The following SEC23B variants were observed in gnomAD, a reference collection of about 807,000 sequenced individuals.
SEC23B encodes the protein SEC23 homolog B, COPII component.
SEC23B carries 77 observed loss-of-function variants against 104.3 expected under a neutral mutation model. That is an observed-to-expected ratio of 0.74 (90% CI 0.61 to 0.89). The LOEUF (loss-of-function observed/expected upper bound fraction) is 0.89. Ranked by LOEUF, SEC23B falls within the 40% of genes least tolerant of loss-of-function variation. SEC23B has a pLI of 0.00. For missense variants in SEC23B, 885 were observed against 949.4 expected (o/e 0.93, Z 0.89); for synonymous variants, 338 against 332.5 (o/e 1.02, Z -0.18).
chr20:18,543,061 A>G lies in SEC23B; in HGVS notation c.1554A>G (p.Ala518=), dbSNP rs764931725. ...GTCAGCTCAGGCACATAGAAGCAGC[A>G]TTTGACCAGGAGGCTGCGGCAGTGT... ...VQSQLRHIEA[A]FDQEAAAVLM... Residue 518 remains alanine (A), a synonymous_variant, in exon 14 of 20, where the codon GCA becomes GCG. Coordinates refer to ENST00000650089, the MANE Select transcript of SEC23B (RefSeq NM_006363.6). The G allele has an allele frequency of 6.2e-7, 1 of 1,614,176 alleles. No individual in the cohort carries two copies. The highest frequency in any genetic ancestry group is 1.1e-5 in the South Asian group (1 of 91,080).
intron 10 of SEC23B, among the ~76,000 whole-genome samples, chr20:18,531,989 T>G (rs1373328515): frequency 6.6e-6 from 1 of 152,166 alleles, no homozygotes; most frequent in African/African-American, 2.4e-5. Flanking sequence ...GCCCAGGAGT[T>G]TGAGGCTGCA....
chr20:18,549,427 CTG>C (rs2060365179), intron 16 of SEC23B, among the ~76,000 whole-genome samples: 1 of 151,998 alleles, frequency 6.6e-6, no homozygotes, highest in Non-Finnish European at 1.5e-5. Flanking sequence ...GAAAACAAGT[CTG>C]TACATGTACA....
intron 4 of SEC23B, among the ~76,000 whole-genome samples, chr20:18,519,602 A>T (rs533536185): frequency 1.3e-5 from 2 of 152,272 alleles, no homozygotes; most frequent in East Asian, 3.9e-4. Context: ...GCTGTGTGTA[A>T]TGAAAAGGGT....
rs537430247 is a variant in SEC23B, at chr20:18,535,159, C to CGT, written c.1315-493_1315-492dup. 2.6e-3 allele frequency among the ~76,000 whole-genome samples: 395 copies of CGT among 152,040 alleles called. 1 individual carries two copies. The highest frequency in any genetic ancestry group is 6.8e-3 in the Middle Eastern group (2 of 294). Reference sequence around the variant, plus strand: ...TTGATTGATTCTTTGTGGATTTCAGCGTTATATACCATGTAGAGACACCCC... The same window carrying CGT: ...TTGATTGATTCTTTGTGGATTTCAGCGTGTTATATACCATGTAGAGACACCCC... On this transcript the variant is annotated intron_variant, in intron 11 of 19. Coordinates refer to ENST00000650089, the MANE Select transcript of SEC23B (RefSeq NM_006363.6).
intron 10 of SEC23B, among the ~76,000 whole-genome samples, chr20:18,532,294 C>T (rs1235457256): frequency 2.0e-5 from 3 of 152,124 alleles, no homozygotes; most frequent in African/African-American, 7.2e-5. Flanking sequence ...ACAGTATGTT[C>T]TCTGATTAGG....
chr20:18,514,149 AAAT>A (rs2060004651), intron 3 of SEC23B, among the ~76,000 whole-genome samples: 1 of 152,174 alleles, frequency 6.6e-6, no homozygotes, highest in Non-Finnish European at 1.5e-5. Flanking sequence ...TCCTAAGTGG[AAAT>A]AATCTTTTGT....
chr20:18,541,840 T>C (rs1030374761), intron 12 of SEC23B, among the ~76,000 whole-genome samples: 1 of 152,182 alleles, frequency 6.6e-6, no homozygotes, highest in African/African-American at 2.4e-5. Flanking sequence ...GTTAGAAAAC[T>C]TGCGCCAATA....
chr20:18,516,691 A>G (rs2060031395), intron 4 of SEC23B, among the ~76,000 whole-genome samples: 1 of 151,722 alleles, frequency 6.6e-6, no homozygotes, highest in Non-Finnish European at 1.5e-5. Context: ...AGCTGGGATT[A>G]CAGGCGCCTG....
Position 18,560,799 on chromosome 20 carries a change from G to A in SEC23B, c.*59G>A, listed in dbSNP as rs2060486260. On this transcript the variant is annotated 3_prime_UTR_variant, in exon 20 of 20. Coordinates refer to ENST00000650089, the MANE Select transcript of SEC23B (RefSeq NM_006363.6). ...AGATTGTGTTCAAAATGTCTAGAAA[G>A]GCTTGATAACATTCCTGTTACTTTT... The A allele has an allele frequency of 7.8e-7, 1 of 1,279,250 alleles. No individual in the cohort carries two copies. Among genetic ancestry groups the A allele is most frequent in the Admixed American group, 1.7e-5 (1 of 59,556 alleles). The allele number at this position is 1,279,250 out of a possible 1,614,324, so 79.2% of individuals were successfully genotyped here.
At position 18,524,589 on chromosome 20, in the gene SEC23B, G is replaced by C; in HGVS notation, c.523G>C (p.Val175Leu). Reference protein sequence around the residue: ...GLITFGRMVQVHELSCEGISK... With the variant: ...GLITFGRMVQLHELSCEGISK... Reference sequence around the variant, plus strand: ...GATCACATTTGGAAGGATGGTGCAGGTTCATGAGCTAAGCTGTGAAGGAAT... The same window carrying C: ...GATCACATTTGGAAGGATGGTGCAGCTTCATGAGCTAAGCTGTGAAGGAAT... Residue 175 changes from valine (V) to leucine (L), a missense_variant, in exon 5 of 20, where the codon GTT becomes CTT. Coordinates refer to ENST00000650089, the MANE Select transcript of SEC23B (RefSeq NM_006363.6). The C allele has an allele frequency of 1.2e-6, 2 of 1,614,220 alleles. No homozygotes were observed. The highest frequency in any genetic ancestry group is 1.7e-6 in the Non-Finnish European group (2 of 1,180,042).
chr20:18,546,165 C>A (rs2060329614), intron 15 of SEC23B, 132 bp downstream of exon 15: 2 of 667,170 alleles, frequency 3.0e-6, no homozygotes, highest in Non-Finnish European at 5.4e-6. Flanking sequence ...ATTGTTCAAC[C>A]CAAGTCGAAT....
chr20:18,508,252 C>G (rs1446495088), intron 1 of SEC23B: 1 of 152,226 alleles, frequency 6.6e-6, no homozygotes, highest in East Asian at 1.9e-4. Flanking sequence ...AAGACTCAGA[C>G]AAGTGAAACG....
At chr20:18,516,827 A>G (rs2060032960) in intron 4 of SEC23B, among the ~76,000 whole-genome samples, 1 of 152,074 alleles carries the variant, frequency 6.6e-6, no homozygotes, top group Admixed American at 6.5e-5. Context: ...TGCTGGGATT[A>G]CAGGCGTGAG....
rs376365322 is a variant in SEC23B, at chr20:18,510,839, G to A, written c.4G>A (p.Ala2Thr). M[A>T]TYLEFIQQNE... ...ATCTTCAGTTCCCTTTTAGACTATG[G>A]CGACATACCTGGAGTTCATCCAGCA... The change falls in exon 2 of 20, where the codon GCG (alanine) becomes ACG (threonine). Residue 2 changes from alanine to threonine, a missense_variant. Physicochemically the swap from Ala to Thr is moderately conservative, Grantham distance 58 (BLOSUM62 0). Transcript: ENST00000650089. 1.3e-5 allele frequency: 21 copies of A among 1,613,696 alleles called. No individual in the cohort carries two copies. The African/African-American group carries it at 2.7e-4, about 21-fold the overall frequency.
chr20:18,517,064 A>G (rs1264535708), intron 4 of SEC23B, among the ~76,000 whole-genome samples: 1 of 152,100 alleles, frequency 6.6e-6, no homozygotes, highest in Non-Finnish European at 1.5e-5. Context: ...ATATGTTGAT[A>G]TTTTTGCTTT....
At chr20:18,524,759 G>T (rs3762200) in intron 5 of SEC23B, 90 bp downstream of exon 5, 3 of 1,259,334 alleles carry the variant, frequency 2.4e-6, no homozygotes, top group Non-Finnish European at 3.5e-6. Flanking sequence ...GCCCAGGCTG[G>T]AGTTCAGTGG....
chr20:18,511,563 T>G (rs984003558), intron 2 of SEC23B, among the ~76,000 whole-genome samples: 1 of 152,158 alleles, frequency 6.6e-6, no homozygotes, highest in African/African-American at 2.4e-5. Context: ...TGGGCATTAT[T>G]TGAAATGATT....
At chr20:18,525,679 T>TTAC in intron 6 of SEC23B, 109 bp from the exon 7 acceptor site, 3 of 1,194,496 alleles carry the variant, frequency 2.5e-6, no homozygotes, top group Non-Finnish European at 3.7e-6. Flanking sequence ...TACCAGTCAG[T>TTAC]TACTACTCTG....
rs144722267 is a variant in SEC23B, at chr20:18,553,202, G to A, written c.1993-1033G>A. On this transcript the variant is annotated intron_variant, in intron 17 of 19. Transcript: ENST00000650089. The stretch of plus-strand genomic sequence containing the variant: ...CTCTCACCTTCCCAAAGTCCTGAGC[G>A]TGCTGAACGCGAGTGTTCTTATGAA... Among the ~76,000 whole-genome samples, 625 of 152,358 alleles carry A rather than the reference G, an allele frequency of 4.1e-3. 3 individuals are homozygous for A. The highest frequency in any genetic ancestry group is 0.034 in the Middle Eastern group (10 of 294).
Sources: gnomAD v4.1 joint callset for allele counts (sites outside exome capture counted in the v4.1 genomes callset) on GRCh38, gnomAD v4.1.1 for gene constraint, MANE v1.5 for transcripts, NCBI Gene and HGNC (gene_info 2026-07-23, HGNC 2026-07-21) for gene names.